The following KCNQ1 variants were observed in gnomAD, a reference collection of about 807,000 sequenced individuals.
KCNQ1 encodes potassium voltage-gated channel subfamily KQT member 1.
Under a neutral mutation model 72.4 loss-of-function variants are expected in KCNQ1, and 49 were observed. The ratio of observed to expected loss-of-function variants is 0.68; its 90% confidence interval spans 0.54 to 0.86. KCNQ1 has a LOEUF of 0.86. KCNQ1 is among the 40% of genes least tolerant of loss of function. KCNQ1 has a pLI of 0.00. For synonymous variants in KCNQ1, 450 were observed against 412.6 expected (o/e 1.09, Z -1.10); for missense variants, 790 against 945.1 (o/e 0.84, Z 2.15).
Position 2,613,857 on chromosome 11 carries a change from T to G in KCNQ1, c.1393+25003T>G, listed in dbSNP as rs902769391. The G allele has an allele frequency of 2.5e-6, 1 of 398,472 alleles. No individual in the cohort carries two copies. Among genetic ancestry groups the G allele is most frequent in the African/African-American group, 2.1e-5 (1 of 48,632 alleles). 24.7% of individuals were successfully genotyped at this position (398,472 alleles called of 1,614,324 possible). A position where few individuals can be genotyped will look rare whatever the true frequency, so the allele number is the denominator to read the frequency against. On this transcript the variant is annotated intron_variant, in intron 10 of 15. Transcript: ENST00000155840. The surrounding 1 kb of genome is among the most constrained non-coding windows in gnomAD (Gnocchi z 4.8). Reference sequence around the variant, plus strand: ...AGTGTTTTCTAGTTTATAGTTTGTGTGTGTTTGCTCTTTATAAGACATGAT... The same window carrying G: ...AGTGTTTTCTAGTTTATAGTTTGTGGGTGTTTGCTCTTTATAAGACATGAT...
intron 2 of KCNQ1, among the ~76,000 whole-genome samples, chr11:2,539,898 G>T (rs1342004359): frequency 6.6e-6 from 1 of 152,332 alleles, no homozygotes; most frequent in East Asian, 1.9e-4. Context: ...GCCGGGTTGG[G>T]TTATGTCCTT....
At position 2,617,195 on chromosome 11, in the gene KCNQ1, C is replaced by T. The variant is rs1174140433; in HGVS notation, c.1393+28341C>T. ...ACTTGTTCATCCTATATATCTGCTA[C>T]TTGGTATCCTTTGACCTACATCTTT... On this transcript the variant is annotated intron_variant, in intron 10 of 15. Coordinates refer to ENST00000155840, the MANE Select transcript of KCNQ1 (RefSeq NM_000218.3). This position sits in a 1 kb window ranked among gnomAD's most constrained non-coding sequence, Gnocchi z 4.6. The T allele has an allele frequency of 2.5e-6, 1 of 398,258 alleles. No individual in the cohort carries two copies. The highest frequency in any genetic ancestry group is 4.4e-6 in the Non-Finnish European group (1 of 225,862). 24.7% of individuals were successfully genotyped at this position (398,258 alleles called of 1,614,324 possible). A position where few individuals can be genotyped will look rare whatever the true frequency, so the allele number is the denominator to read the frequency against.
chr11:2,685,109 C>A (rs562485602), intron 11 of KCNQ1: 3 of 398,588 alleles, frequency 7.5e-6, no homozygotes, highest in Non-Finnish European at 1.3e-5. Context: ...CCTTTTGGCA[C>A]GGGGGGTCTG....
intron 10 of KCNQ1, among the ~76,000 whole-genome samples, chr11:2,594,374 T>C (rs369284363): frequency 5.9e-5 from 9 of 152,356 alleles, no homozygotes; most frequent in African/African-American, 2.2e-4. Context: ...TTCAGAGGTT[T>C]CAATGTACTG....
Position 2,484,738 on chromosome 11 carries a change from C to G in KCNQ1, c.386+39254C>G, listed in dbSNP as rs988085572. On this transcript the variant is annotated intron_variant, in intron 1 of 15. Coordinates refer to ENST00000155840, the MANE Select transcript of KCNQ1 (RefSeq NM_000218.3). The surrounding 1 kb of genome is among the most constrained non-coding windows in gnomAD (Gnocchi z 5.2). Reference sequence around the variant, plus strand: ...TCATCGCCACTGTGGACCTGCTGCTCTGCGCCCACTCGGCCGACGGAGCTG... The same window carrying G: ...TCATCGCCACTGTGGACCTGCTGCTGTGCGCCCACTCGGCCGACGGAGCTG... Among the ~76,000 whole-genome samples the G allele has an allele frequency of 6.6e-6, 1 of 152,224 alleles. No homozygotes were observed. The highest frequency in any genetic ancestry group is 2.4e-5 in the African/African-American group (1 of 41,438).
rs369352207 is a variant in KCNQ1 at position 2,613,015 on chromosome 11, T to A, written c.1393+24161T>A. ...TCAGTTTTGTTTGTTTTAATTCTTA[T>A]GTTTGTTTTGTAAGCCTGGCTTCAT... On this transcript the variant is annotated intron_variant, in intron 10 of 15. Coordinates refer to ENST00000155840, the MANE Select transcript of KCNQ1 (RefSeq NM_000218.3). The surrounding 1 kb of genome is among the most constrained non-coding windows in gnomAD (Gnocchi z 4.8). 1 of 398,520 alleles carries A rather than the reference T, an allele frequency of 2.5e-6. No individual in the cohort carries two copies. The allele number at this position is 398,520 out of a possible 1,614,324, so 24.7% of individuals were successfully genotyped here.
Position 2,563,413 on chromosome 11 carries a change from T to C in KCNQ1, c.478-7215T>C, listed in dbSNP as rs886173425. 1.3e-5 allele frequency among the ~76,000 whole-genome samples: 2 copies of C among 152,086 alleles called. No homozygotes were observed. The highest frequency in any genetic ancestry group is 2.9e-5 in the Non-Finnish European group (2 of 68,008). On this transcript the variant is annotated intron_variant, in intron 2 of 15. Transcript: ENST00000155840. The surrounding 1 kb of genome is among the most constrained non-coding windows in gnomAD (Gnocchi z 7.4). ...TGCTGGCCCTCCGGCTTCGGGCAGG[T>C]CTCCTCTTTATGCCACTGTAACCCC...
rs115976596 is a variant in KCNQ1, at chr11:2,802,994, G to A, written c.1794+24957G>A. Among the ~76,000 whole-genome samples the A allele has an allele frequency of 3.3e-3, 506 of 152,336 alleles. 5 individuals are homozygous for A. Among genetic ancestry groups the A allele is most frequent in the African/African-American group, 0.012 (491 of 41,582 alleles). On this transcript the variant is annotated intron_variant, in intron 15 of 15. Transcript: ENST00000155840. Reference sequence around the variant, plus strand: ...CAGGGCAACCCCTCAGCTCCACTTCGCCACCCAGAGGAGCTGGCCCTGGCC... The same window carrying A: ...CAGGGCAACCCCTCAGCTCCACTTCACCACCCAGAGGAGCTGGCCCTGGCC...
chr11:2,620,358 A>G lies in KCNQ1; in HGVS notation c.1393+31504A>G. The G allele has an allele frequency of 4.9e-6, 1 of 205,130 alleles. No homozygotes were observed. The highest frequency in any genetic ancestry group is 9.5e-6 in the Non-Finnish European group (1 of 104,776). The allele number at this position is 205,130 out of a possible 1,614,324, so 12.7% of individuals were successfully genotyped here. A position where few individuals can be genotyped will look rare whatever the true frequency, so the allele number is the denominator to read the frequency against. On this transcript the variant is annotated intron_variant, in intron 10 of 15. Coordinates refer to ENST00000155840, the MANE Select transcript of KCNQ1 (RefSeq NM_000218.3). This position sits in a 1 kb window ranked among gnomAD's most constrained non-coding sequence, Gnocchi z 4.5. Reference sequence around the variant, plus strand: ...CAGCCTCCTGAGTAGCTGGGATTAGAGGCATGCGCCACCACGTCCAGCTAA... The same window carrying G: ...CAGCCTCCTGAGTAGCTGGGATTAGGGGCATGCGCCACCACGTCCAGCTAA...
rs1052145681 is a variant in KCNQ1 at position 2,817,319 on chromosome 11, G to A, written c.1795-30448G>A. On this transcript the variant is annotated intron_variant, in intron 15 of 15. Transcript: ENST00000155840. This position sits in a 1 kb window ranked among gnomAD's most constrained non-coding sequence, Gnocchi z 6.1. ...GACAGAACCCACGGCGGCCCTTTCC[G>A]TGGCTTCAGCCAGTTTCTGAGCGCT... Among the ~76,000 whole-genome samples, 15 of 152,102 alleles carry A rather than the reference G, an allele frequency of 9.9e-5. No individual in the cohort carries two copies. Among genetic ancestry groups the A allele is most frequent in the Admixed American group, 4.6e-4 (7 of 15,274 alleles).
chr11:2,792,056 C>T (rs908942971), intron 15 of KCNQ1, among the ~76,000 whole-genome samples: 1 of 152,176 alleles, frequency 6.6e-6, no homozygotes, highest in Non-Finnish European at 1.5e-5. Flanking sequence ...GAGCCCTCCC[C>T]ACCCCGTTCC....
rs1850589417 is a variant in KCNQ1, at chr11:2,691,625, T to TG, written c.1514+29548dup. On this transcript the variant is annotated intron_variant, in intron 11 of 15. Transcript: ENST00000155840. The surrounding 1 kb of genome is among the most constrained non-coding windows in gnomAD (Gnocchi z 6.4). ...CCTAGCTTGTTCCCTGCACGTACTG[T>TG]GGGGAGGTCCTCTTTACCGCCACAG... 40 of 398,504 alleles carry TG rather than the reference T, an allele frequency of 1.0e-4. No homozygotes were observed. The East Asian group carries it at 1.4e-3, about 14-fold the overall frequency. 24.7% of individuals were successfully genotyped at this position (398,504 alleles called of 1,614,324 possible).
intron 11 of KCNQ1, chr11:2,699,485 C>T (rs1850737554): frequency 5.7e-6 from 2 of 350,360 alleles, no homozygotes. Context: ...GAGGAGCCCC[C>T]GGGGAGAGTG....
At position 2,678,208 on chromosome 11, in the gene KCNQ1, G is replaced by A. The variant is rs2133876995; in HGVS notation, c.1514+16127G>A. On this transcript the variant is annotated intron_variant, in intron 11 of 15. Transcript: ENST00000155840. The surrounding 1 kb of genome is among the most constrained non-coding windows in gnomAD (Gnocchi z 4.9). ...GAATTTTTTTAATTTCACATAGTCA[G>A]CTGTGTCAGTCTTTTATGGTTTGAG... 2.5e-6 allele frequency: 1 copy of A among 398,274 alleles called. No homozygotes were observed. The highest frequency in any genetic ancestry group is 4.4e-6 in the Non-Finnish European group (1 of 225,950). The allele number at this position is 398,274 out of a possible 1,614,324, so 24.7% of individuals were successfully genotyped here.
intron 11 of KCNQ1, among the ~76,000 whole-genome samples, chr11:2,709,344 C>T (rs937354483): frequency 4.0e-5 from 6 of 149,576 alleles, no homozygotes; most frequent in Admixed American, 1.3e-4. Flanking sequence ...GAGGCTCAGA[C>T]GCCAGGACCT....
intron 15 of KCNQ1, among the ~76,000 whole-genome samples, chr11:2,825,072 G>A (rs746949869): frequency 3.3e-5 from 5 of 152,234 alleles, no homozygotes; most frequent in Non-Finnish European, 5.9e-5. Flanking sequence ...TGCAGGAGGC[G>A]CAGTGTGCTG....
rs752213450 is a variant in KCNQ1, at chr11:2,659,775, G to A, written c.1394-2186G>A. On this transcript the variant is annotated intron_variant, in intron 10 of 15. Coordinates refer to ENST00000155840, the MANE Select transcript of KCNQ1 (RefSeq NM_000218.3). The surrounding 1 kb of genome is among the most constrained non-coding windows in gnomAD (Gnocchi z 4.3). ...AGAGTGGTTGGTATTGTCAGGTTTT[G>A]AATTTTTTTTTTAATTTATGGAATT... 2 of 398,122 alleles carry A rather than the reference G, an allele frequency of 5.0e-6. No individual in the cohort carries two copies. The highest frequency in any genetic ancestry group is 8.9e-6 in the Non-Finnish European group (2 of 225,898). 24.7% of individuals were successfully genotyped at this position (398,122 alleles called of 1,614,324 possible). A position where few individuals can be genotyped will look rare whatever the true frequency, so the allele number is the denominator to read the frequency against.
chr11:2,481,496 C>T lies in KCNQ1; in HGVS notation c.386+36012C>T, dbSNP rs1041763411. On this transcript the variant is annotated intron_variant, in intron 1 of 15. Coordinates refer to ENST00000155840, the MANE Select transcript of KCNQ1 (RefSeq NM_000218.3). The surrounding 1 kb of genome is among the most constrained non-coding windows in gnomAD (Gnocchi z 4.6). ...CGAGGCTGTGTGGCCATCAGCCAGG[C>T]GTCCCCAACCCCCAGGCCATGAAGC... Among the ~76,000 whole-genome samples the T allele has an allele frequency of 5.3e-5, 8 of 152,280 alleles. No individual in the cohort carries two copies. The East Asian group carries it at 5.8e-4, about 11-fold the overall frequency.
chr11:2,734,965 GCCGCGT>G lies in KCNQ1; in HGVS notation c.1515-33878_1515-33873del, dbSNP rs1442983093. Among the ~76,000 whole-genome samples the G allele has an allele frequency of 6.6e-6, 1 of 152,064 alleles. No individual in the cohort carries two copies. Among genetic ancestry groups the G allele is most frequent in the African/African-American group, 2.4e-5 (1 of 41,402 alleles). ...AGTGCGACACATGTGCCCCGGAGTG[GCCGCGT>G]GCCCAGCCGGCTGTGCACGCTGCCC... On this transcript the variant is annotated intron_variant, in intron 11 of 15. Coordinates refer to ENST00000155840, the MANE Select transcript of KCNQ1 (RefSeq NM_000218.3). The surrounding 1 kb of genome is among the most constrained non-coding windows in gnomAD (Gnocchi z 7.0).
Sources: gnomAD v4.1 joint callset for allele counts (sites outside exome capture counted in the v4.1 genomes callset) on GRCh38, gnomAD v4.1.1 for gene constraint, Gnocchi (gnomAD v3.1) non-coding constraint, MANE v1.5 for transcripts, NCBI Gene and HGNC (gene_info 2026-07-23, HGNC 2026-07-21) for gene names.